Variants in DISC1 observed in about 807,000 individuals in gnomAD.
DISC1 encodes the protein DISC1 scaffold protein.
DISC1 carries 57 observed loss-of-function variants against 84.5 expected under a neutral mutation model. That is an observed-to-expected ratio of 0.67 (90% CI 0.55 to 0.84). DISC1 has a LOEUF of 0.84. Among genes scored for constraint, DISC1 ranks in the 40% least tolerant of loss-of-function variants. The pLI is 0.00. For missense variants in DISC1, 1,000 were observed against 1,057.8 expected (o/e 0.95, Z 0.76); for synonymous variants, 411 against 415.2 (o/e 0.99, Z 0.12).
intron 2 of DISC1, among the ~76,000 whole-genome samples, chr1:231,700,597 A>G (rs941078854): frequency 1.8e-4 from 28 of 152,334 alleles, no homozygotes; most frequent in African/African-American, 6.3e-4. Flanking sequence ...TTTCAACTGT[A>G]TAGGGCCGGG....
intron 3 of DISC1, among the ~76,000 whole-genome samples, chr1:231,708,523 C>T (rs1337954587): frequency 6.6e-5 from 10 of 152,202 alleles, no homozygotes; most frequent in South Asian, 4.1e-4. Flanking sequence ...TGGCTGCATA[C>T]GACCCCCTTT....
chr1:231,691,852 C>T (rs1395334601), intron 1 of DISC1, among the ~76,000 whole-genome samples: 1 of 152,216 alleles, frequency 6.6e-6, no homozygotes, highest in South Asian at 2.1e-4. Context: ...CTGCCCCTGC[C>T]GGTCGGGCCC....
rs997959407 is a variant in DISC1, at chr1:232,040,073, C to A, written c.*3242C>A. ...GCCCCGCAATCTCGGCTCACTGCAA[C>A]CTCTACCTCCCAGGTTCAAGCTATT... On this transcript the variant is annotated 3_prime_UTR_variant, in exon 13 of 13. Transcript: ENST00000439617. 1.3e-5 allele frequency: 2 copies of A among 151,922 alleles called. No individual in the cohort carries two copies. Among genetic ancestry groups the A allele is most frequent in the Non-Finnish European group, 2.9e-5 (2 of 68,030 alleles). 9.4% of individuals were successfully genotyped at this position (151,922 alleles called of 1,614,324 possible). A position where few individuals can be genotyped will look rare whatever the true frequency, so the allele number is the denominator to read the frequency against.
At chr1:231,778,281 T>G (rs1041910367) in intron 6 of DISC1, among the ~76,000 whole-genome samples, 21 of 152,332 alleles carry the variant, frequency 1.4e-4, no homozygotes, top group African/African-American at 4.6e-4. Context: ...CTAGAGGAAC[T>G]GGTATTACTT....
chr1:231,660,125 C>T (rs1233042719), intron 1 of DISC1, among the ~76,000 whole-genome samples: 1 of 152,148 alleles, frequency 6.6e-6, no homozygotes, highest in Non-Finnish European at 1.5e-5. Flanking sequence ...GTGTGTCATT[C>T]TTGAAGAACT....
rs538953575 is a variant in DISC1, at chr1:231,873,204, C to A, written c.1981+54687C>A. Among the ~76,000 whole-genome samples, 3 of 152,304 alleles carry A rather than the reference C, an allele frequency of 2.0e-5. 1 individual carries two copies. The highest frequency in any genetic ancestry group is 7.2e-5 in the African/African-American group (3 of 41,552). ...TAAGGAGACCTTGGGAAGAACAAAC[C>A]CATTATCTGATATTGAGTCACTATG... is the stretch of plus-strand genomic sequence containing the variant. On this transcript the variant is annotated intron_variant, in intron 9 of 12. Transcript: ENST00000439617.
intron 9 of DISC1, among the ~76,000 whole-genome samples, chr1:231,946,339 A>G (rs1170655956): frequency 1.3e-5 from 2 of 152,224 alleles, no homozygotes; most frequent in African/African-American, 4.8e-5. Flanking sequence ...TCCATCACAT[A>G]ATCAGAACCA....
intron 10 of DISC1, among the ~76,000 whole-genome samples, chr1:231,970,610 T>C (rs1476158594): frequency 6.6e-6 from 1 of 152,186 alleles, no homozygotes; most frequent in Admixed American, 6.5e-5. Context: ...CTTAATCAAA[T>C]GCGGTGGTGT....
At chr1:231,873,822 A>G (rs2085644193) in intron 9 of DISC1, among the ~76,000 whole-genome samples, 1 of 149,574 alleles carries the variant, frequency 6.7e-6, no homozygotes, top group African/African-American at 2.5e-5. Flanking sequence ...TATGACTTCT[A>G]TCATTGGAAG....
At chr1:231,739,444 C>G (rs2072958217) in intron 3 of DISC1, among the ~76,000 whole-genome samples, 1 of 152,232 alleles carries the variant, frequency 6.6e-6, no homozygotes, top group East Asian at 1.9e-4. Flanking sequence ...CCCTGGCAGG[C>G]TCATCACCAC....
chr1:231,871,502 G>A (rs777076308), intron 9 of DISC1, among the ~76,000 whole-genome samples: 15 of 152,186 alleles, frequency 9.9e-5, no homozygotes, highest in South Asian at 2.1e-4. Context: ...GAATTGTGTC[G>A]TTGATGTGGA....
At chr1:231,921,166 G>A (rs1028801264) in intron 9 of DISC1, among the ~76,000 whole-genome samples, 6 of 151,494 alleles carry the variant, frequency 4.0e-5, no homozygotes, top group East Asian at 1.9e-4. Flanking sequence ...TGCCCGCCTC[G>A]GCCTCCCAAA....
chr1:231,653,014 C>T (rs1016966075), intron 1 of DISC1, among the ~76,000 whole-genome samples: 26 of 152,076 alleles, frequency 1.7e-4, no homozygotes, highest in African/African-American at 2.4e-4. Flanking sequence ...TCCTGACATC[C>T]GGTGATCTGC....
At chr1:231,673,101 A>C (rs1049205768) in intron 1 of DISC1, among the ~76,000 whole-genome samples, 2 of 152,212 alleles carry the variant, frequency 1.3e-5, no homozygotes, top group Non-Finnish European at 2.9e-5. Flanking sequence ...CTTGGCTTGA[A>C]GCCAGCTCTA....
At chr1:231,722,545 C>G (rs371282562) in intron 3 of DISC1, 1 of 1,614,146 alleles carries the variant, frequency 6.2e-7, no homozygotes, top group East Asian at 2.2e-5. Flanking sequence ...GCAGCTGGAA[C>G]CAATTGCTTT....
In DISC1 at chr1:231,954,077, G is replaced by A. The variant is rs561277832; in HGVS notation, c.1982-4751G>A. Reference sequence around the variant, plus strand: ...GACATTCTTCTACCTTCCAACTTCCGTGTTTACACTGAAAAAGCTGTTGCT... The same window carrying A: ...GACATTCTTCTACCTTCCAACTTCCATGTTTACACTGAAAAAGCTGTTGCT... On this transcript the variant is annotated intron_variant, in intron 9 of 12. Coordinates refer to ENST00000439617, the MANE Select transcript of DISC1 (RefSeq NM_018662.3). The surrounding 1 kb of genome is among the most constrained non-coding windows in gnomAD (Gnocchi z 4.8). 3.5e-4 allele frequency among the ~76,000 whole-genome samples: 54 copies of A among 152,142 alleles called. No individual in the cohort carries two copies. The highest frequency in any genetic ancestry group is 1.2e-3 in the African/African-American group (50 of 41,486).
At chr1:232,025,123 C>G (rs1244971906) in intron 11 of DISC1, among the ~76,000 whole-genome samples, 1 of 152,150 alleles carries the variant, frequency 6.6e-6, no homozygotes, top group Non-Finnish European at 1.5e-5. Flanking sequence ...ATGACTAACC[C>G]ATGGCCCTTA....
chr1:231,641,181 C>T (rs1320838227), intron 1 of DISC1, among the ~76,000 whole-genome samples: 1 of 152,160 alleles, frequency 6.6e-6, no homozygotes, highest in East Asian at 1.9e-4. Flanking sequence ...TGAGTGTGTC[C>T]GGAATTGGTG....
intron 6 of DISC1, among the ~76,000 whole-genome samples, chr1:231,773,424 A>G (rs184968346): frequency 1.2e-4 from 19 of 152,212 alleles, no homozygotes; most frequent in East Asian, 9.7e-4. Context: ...TCTCTCTGTC[A>G]CCCAGGCTGG....
Sources: allele counts gnomAD v4.1 joint callset (sites outside exome capture counted in the v4.1 genomes callset), GRCh38; gene constraint gnomAD v4.1.1; non-coding constraint Gnocchi (gnomAD v3.1); transcripts MANE v1.5; gene names NCBI Gene and HGNC (gene_info 2026-07-23, HGNC 2026-07-21).